C1orf87: variants seen among roughly 807,000 people sequenced by gnomAD.
C1orf87 encodes uncharacterized protein C1orf87.
C1orf87 carries 58 observed loss-of-function variants against 60.5 expected under a neutral mutation model. The ratio of observed to expected loss-of-function variants is 0.96; its 90% confidence interval spans 0.78 to 1.19. The LOEUF is 1.19. Among genes scored for constraint, C1orf87 ranks in the 50% most tolerant of loss-of-function variants. The pLI is 0.00. For synonymous variants in C1orf87, 236 were observed against 227.4 expected (o/e 1.04, Z -0.34); for missense variants, 673 against 638.6 (o/e 1.05, Z -0.58).
Position 60,041,002 on chromosome 1 carries a change from C to T in C1orf87, c.472G>A (p.Asp158Asn). The change falls in exon 4 of 12, where the codon GAC becomes AAC. Residue 158 changes from aspartate to asparagine, a missense_variant. Physicochemically the swap from Asp to Asn is conservative, Grantham distance 23. Coordinates refer to ENST00000371201, the MANE Select transcript of C1orf87 (RefSeq NM_152377.3). ...CTTAGTATACACACCTCAGGTTGGT[C>T]AGAGCTGCCTCTCACCATCTGTTCC... ...SLEQMVRGSS[D>N]QPEDIGQSPS... is the part of the protein sequence containing the mutation. The T allele has an allele frequency of 6.2e-7, 1 of 1,609,956 alleles. No homozygotes were observed. The highest frequency in any genetic ancestry group is 1.3e-5 in the African/African-American group (1 of 74,916).
At chr1:60,050,164 A>G (rs1645403803) in intron 3 of C1orf87, among the ~76,000 whole-genome samples, 1 of 152,074 alleles carries the variant, frequency 6.6e-6, no homozygotes, top group Non-Finnish European at 1.5e-5. Context: ...TAAAAACCGA[A>G]CACTATTTTT....
intron 8 of C1orf87, among the ~76,000 whole-genome samples, chr1:60,022,959 CT>C (rs1458464556): frequency 1.1e-4 from 16 of 152,222 alleles, no homozygotes; most frequent in African/African-American, 3.1e-4. Context: ...TTTCTTCATG[CT>C]ACTCAGAACG....
chr1:60,070,515 C>T (rs946143203), intron 2 of C1orf87, among the ~76,000 whole-genome samples: 2 of 152,132 alleles, frequency 1.3e-5, no homozygotes, highest in African/African-American at 4.8e-5. Flanking sequence ...AGTGGCGGCA[C>T]TTTCCTTACC....
intron 3 of C1orf87, among the ~76,000 whole-genome samples, chr1:60,043,255 T>C (rs1645339768): frequency 6.6e-6 from 1 of 152,282 alleles, no homozygotes; most frequent in Non-Finnish European, 1.5e-5. Flanking sequence ...ATAAAAATGT[T>C]ATTAGTAGAG....
At chr1:59,993,622 T>A (rs1427006649) in intron 11 of C1orf87, among the ~76,000 whole-genome samples, 3 of 152,114 alleles carry the variant, frequency 2.0e-5, no homozygotes. Context: ...CTGAATGAAA[T>A]TTGTATCTGT....
At chr1:60,022,030 T>C (rs536079751) in intron 8 of C1orf87, among the ~76,000 whole-genome samples, 1 of 151,648 alleles carries the variant, frequency 6.6e-6, no homozygotes, top group African/African-American at 2.4e-5. Context: ...AGAGGCATGG[T>C]GTAACTGGAA....
chr1:60,007,034 C>T (rs1260459830), intron 9 of C1orf87, among the ~76,000 whole-genome samples: 1 of 151,982 alleles, frequency 6.6e-6, no homozygotes, highest in Non-Finnish European at 1.5e-5. Context: ...ACCTCTGCCT[C>T]CCAAGTAGCT....
At chr1:60,026,810 G>A (rs938925735) in intron 7 of C1orf87, among the ~76,000 whole-genome samples, 2 of 152,058 alleles carry the variant, frequency 1.3e-5, no homozygotes, top group African/African-American at 2.4e-5. Flanking sequence ...GTGCTGACAG[G>A]TCACCACAAG....
Position 60,040,152 on chromosome 1 carries a change from G to A in C1orf87, c.512C>T (p.Thr171Ile). Reference protein sequence around the residue: ...EDIGQSPSGTTNEDAFLLALV... With the variant: ...EDIGQSPSGTINEDAFLLALV... Reference sequence around the variant, plus strand: ...GGCAAGAAGAAAAGCGTCTTCATTTGTTGTCCCACTTGGGCTCTGGCCAAT... The same window carrying A: ...GGCAAGAAGAAAAGCGTCTTCATTTATTGTCCCACTTGGGCTCTGGCCAAT... The change falls in exon 5 of 12, where the codon ACA (threonine) becomes ATA (isoleucine). Residue 171 changes from threonine (T) to isoleucine (I), a missense_variant. Physicochemically the swap from Thr to Ile is moderately conservative, Grantham distance 89 (BLOSUM62 -1). Transcript: ENST00000371201. The A allele has an allele frequency of 6.2e-7, 1 of 1,613,818 alleles. No individual in the cohort carries two copies. Among genetic ancestry groups the A allele is most frequent in the Non-Finnish European group, 8.5e-7 (1 of 1,179,944 alleles).
chr1:60,046,393 TCTCCCTCCCTTCCTCCC>T (rs1337117168), intron 3 of C1orf87, among the ~76,000 whole-genome samples: 2 of 127,606 alleles, frequency 1.6e-5, no homozygotes, highest in South Asian at 3.3e-4. Context: ...TTTCTTTCTC[TCTCCCTCCCTTCCTCCC>T]CTCCCTCCCT....
chr1:60,058,480 T>C (rs1645472138), intron 2 of C1orf87, among the ~76,000 whole-genome samples: 2 of 152,222 alleles, frequency 1.3e-5, no homozygotes, highest in Admixed American at 6.5e-5. Context: ...TCAGTACTAT[T>C]TGAAGTTCAT....
chr1:60,055,856 T>C (rs1645451659), intron 2 of C1orf87, among the ~76,000 whole-genome samples: 1 of 151,956 alleles, frequency 6.6e-6, no homozygotes, highest in Non-Finnish European at 1.5e-5. Context: ...CTTCCTTTTC[T>C]CCTGGGAGCC....
chr1:60,072,694 G>T lies in C1orf87; in HGVS notation c.-27-24C>A, dbSNP rs142648888. On this transcript the variant is annotated intron_variant, in intron 1 of 11. Coordinates refer to ENST00000371201, the MANE Select transcript of C1orf87 (RefSeq NM_152377.3). ...CCCTAGGGGTGAAAATAAGTAAATT[G>T]TTCCTCTTGATTTTCCATTAGGGAA... 1,432 of 1,307,218 alleles carry T rather than the reference G, an allele frequency of 1.1e-3. 18 individuals carry two copies. In the African/African-American group the frequency reaches 0.019, roughly 17 times the overall value. 81.0% of individuals were successfully genotyped at this position (1,307,218 alleles called of 1,614,324 possible). A position where few individuals can be genotyped will look rare whatever the true frequency, so the allele number is the denominator to read the frequency against.
intron 9 of C1orf87, among the ~76,000 whole-genome samples, chr1:60,004,498 C>A (rs573151399): frequency 5.4e-4 from 82 of 152,104 alleles, no homozygotes; most frequent in African/African-American, 1.9e-3. Flanking sequence ...AGAACATAAA[C>A]TTTGTCCTAG....
Position 60,001,814 on chromosome 1 carries a change from G to A in C1orf87, c.1193-658C>T, listed in dbSNP as rs148011292. On this transcript the variant is annotated intron_variant, in intron 9 of 11. Transcript: ENST00000371201. ...CTTTCAATGGTCGGTGGTACTGGAC[G>A]GGAAGAGGTTGAACAGCCTCATCCC... is the stretch of plus-strand genomic sequence containing the variant. Among the ~76,000 whole-genome samples, 742 of 152,164 alleles carry A rather than the reference G, an allele frequency of 4.9e-3. 4 individuals carry two copies. The highest frequency in any genetic ancestry group is 0.014 in the Middle Eastern group (4 of 294).
intron 7 of C1orf87, among the ~76,000 whole-genome samples, chr1:60,029,040 C>T: frequency 6.6e-6 from 1 of 152,110 alleles, no homozygotes; most frequent in East Asian, 1.9e-4. Flanking sequence ...CAGTTTTCAC[C>T]TCTCTACCCA....
At chr1:60,007,171 C>T (rs1645052779) in intron 9 of C1orf87, among the ~76,000 whole-genome samples, 1 of 152,054 alleles carries the variant, frequency 6.6e-6, no homozygotes, top group African/African-American at 2.4e-5. Context: ...TTAGGCCTCT[C>T]AAAGTGTTAG....
intron 2 of C1orf87, among the ~76,000 whole-genome samples, chr1:60,068,358 G>T (rs1289372316): frequency 6.6e-6 from 1 of 152,110 alleles, no homozygotes; most frequent in African/African-American, 2.4e-5. Flanking sequence ...CCCTGCCAAG[G>T]CTTGTCAGCT....
Position 60,032,432 on chromosome 1 carries a change from G to GA in C1orf87, c.1029+1043_1029+1044insT, listed in dbSNP as rs1645245098. ...TTCAATTGGCCTCTTTGAGACTCAG[G>GA]TTTTTTTTTTTTTTTTTTTTTTTGA... On this transcript the variant is annotated intron_variant, in intron 7 of 11. Coordinates refer to ENST00000371201, the MANE Select transcript of C1orf87 (RefSeq NM_152377.3). 3.4e-5 allele frequency among the ~76,000 whole-genome samples: 3 copies of GA among 88,558 alleles called. No homozygotes were observed. In the South Asian group the frequency reaches 1.4e-3, roughly 41 times the overall value. The allele number at this position is 88,558 out of a possible 152,430, so 58.1% of individuals were successfully genotyped here.
Sources: gnomAD v4.1 joint callset for allele counts (sites outside exome capture counted in the v4.1 genomes callset) on GRCh38, gnomAD v4.1.1 for gene constraint, MANE v1.5 for transcripts, NCBI Gene and HGNC (gene_info 2026-07-23, HGNC 2026-07-21) for gene names.